BMPR1B: variants seen among roughly 807,000 people sequenced by gnomAD.
BMPR1B encodes the protein bone morphogenetic protein receptor type 1B.
Under a neutral mutation model 59.1 loss-of-function variants are expected in BMPR1B, and 12 were observed. The observed-to-expected ratio is 0.20, with a 90% CI of 0.13 to 0.33. BMPR1B has a LOEUF of 0.33. Ranked by LOEUF, BMPR1B falls within the 10% of genes least tolerant of loss-of-function variation. The pLI is 1.00. For synonymous variants in BMPR1B, 237 were observed against 207.3 expected, an observed-to-expected ratio of 1.14 and a Z score of -1.23; for missense variants, 550 against 610.9, an observed-to-expected ratio of 0.90 and a Z score of 1.05.
intron 3 of BMPR1B, among the ~76,000 whole-genome samples, chr4:95,025,672 G>C (rs996663639): frequency 6.6e-6 from 1 of 152,136 alleles, no homozygotes; most frequent in Non-Finnish European, 1.5e-5. Flanking sequence ...AGAAGGAGGT[G>C]AGTGGGACAA....
chr4:94,843,710 A>G (rs1725193891), intron 1 of BMPR1B, among the ~76,000 whole-genome samples: 1 of 151,746 alleles, frequency 6.6e-6, no homozygotes, highest in African/African-American at 2.4e-5. Flanking sequence ...TGCTCTATTC[A>G]AAAGAGGTGT....
chr4:94,891,007 T>C (rs138764772), intron 2 of BMPR1B, among the ~76,000 whole-genome samples: 2,420 of 152,224 alleles, frequency 0.016, 64 homozygotes, highest in African/African-American at 0.054. Context: ...TAAAATGTAG[T>C]TGGAAAATAG....
At chr4:94,890,534 T>C (rs1358942542) in intron 2 of BMPR1B, among the ~76,000 whole-genome samples, 1 of 152,096 alleles carries the variant, frequency 6.6e-6, no homozygotes, top group African/African-American at 2.4e-5. Flanking sequence ...AGTATAAAAG[T>C]CAATCAGAGA....
At chr4:95,054,182 A>G (rs987837674) in intron 3 of BMPR1B, among the ~76,000 whole-genome samples, 2 of 152,182 alleles carry the variant, frequency 1.3e-5, no homozygotes, top group Non-Finnish European at 2.9e-5. Flanking sequence ...AAAGATTTAT[A>G]TGAAGGAATA....
At chr4:94,770,180 G>GTTTTTTTTTTTTTTTTTTTTT (rs1553903537) in intron 1 of BMPR1B, among the ~76,000 whole-genome samples, 19 of 106,276 alleles carry the variant, frequency 1.8e-4, no homozygotes, top group African/African-American at 7.4e-4. Flanking sequence ...CTTCGTTTCT[G>GTTTTTTTTTTTTTTTTTTTTT]TGTTTGTTTT....
intron 10 of BMPR1B, among the ~76,000 whole-genome samples, chr4:95,136,430 G>A (rs1733792113): frequency 6.6e-6 from 1 of 152,296 alleles, no homozygotes; most frequent in Non-Finnish European, 1.5e-5. Flanking sequence ...CTCATAAAAT[G>A]GGTTAGGGAG....
Position 94,792,105 on chromosome 4 carries a change from A to G in BMPR1B, c.-183+34037A>G, listed in dbSNP as rs577246252. 5.9e-4 allele frequency among the ~76,000 whole-genome samples: 90 copies of G among 152,326 alleles called. 2 individuals are homozygous for G. Among genetic ancestry groups the G allele is most frequent in the African/African-American group, 2.2e-3 (90 of 41,576 alleles). ...TTATTCAAATTAAGAGAAATTTTTC[A>G]GATAACTAAGTTTTACCTTTCTGAC... is the stretch of plus-strand genomic sequence containing the variant. On this transcript the variant is annotated intron_variant, in intron 1 of 12. Coordinates refer to ENST00000515059, the MANE Select transcript of BMPR1B (RefSeq NM_001203.3).
At chr4:95,008,312 C>G (rs1465948553) in intron 3 of BMPR1B, among the ~76,000 whole-genome samples, 1 of 152,132 alleles carries the variant, frequency 6.6e-6, no homozygotes, top group Non-Finnish European at 1.5e-5. Context: ...TTTCCCTTAA[C>G]CACTCTACTT....
chr4:94,862,561 T>G (rs1347306781), intron 1 of BMPR1B, among the ~76,000 whole-genome samples: 6 of 150,492 alleles, frequency 4.0e-5, no homozygotes, highest in African/African-American at 1.5e-4. Flanking sequence ...CCTAGCACTT[T>G]GGGAGGCCAG....
rs753533981 is a variant in BMPR1B at position 95,131,270 on chromosome 4, C to T, written c.834C>T (p.Ile278=). ...GTGSWTQLYL[I]TDYHENGSLY... Reference sequence around the variant, plus strand: ...GGTCCTGGACCCAGTTGTACCTAATCACAGACTATCATGAAAATGGTTCCC... The same window carrying T: ...GGTCCTGGACCCAGTTGTACCTAATTACAGACTATCATGAAAATGGTTCCC... Residue 278 remains isoleucine (I), a synonymous_variant, in exon 10 of 13, where the codon ATC becomes ATT. Coordinates refer to ENST00000515059, the MANE Select transcript of BMPR1B (RefSeq NM_001203.3). The T allele has an allele frequency of 6.2e-7, 1 of 1,613,870 alleles. No homozygotes were observed. The highest frequency in any genetic ancestry group is 1.1e-5 in the South Asian group (1 of 91,062).
chr4:94,820,928 A>G (rs1252099420), intron 1 of BMPR1B, among the ~76,000 whole-genome samples: 1 of 152,218 alleles, frequency 6.6e-6, no homozygotes, highest in African/African-American at 2.4e-5. Flanking sequence ...GGATTCTAAG[A>G]GAGATCATTA....
At chr4:94,988,972 T>G (rs1721574061) in intron 2 of BMPR1B, among the ~76,000 whole-genome samples, 2 of 152,144 alleles carry the variant, frequency 1.3e-5, no homozygotes, top group Admixed American at 1.3e-4. Context: ...ACCTGTTCCC[T>G]CAGGTGAAAA....
chr4:94,867,026 C>G (rs1259185371), intron 1 of BMPR1B, among the ~76,000 whole-genome samples: 1 of 152,160 alleles, frequency 6.6e-6, no homozygotes, highest in Non-Finnish European at 1.5e-5. Flanking sequence ...ATTGAGCACA[C>G]AATAATATTA....
chr4:94,793,605 A>G (rs1723066360), intron 1 of BMPR1B, among the ~76,000 whole-genome samples: 1 of 148,056 alleles, frequency 6.8e-6, no homozygotes, highest in Non-Finnish European at 1.5e-5. Context: ...TGACTTCCAC[A>G]ATGGTTGAAC....
chr4:94,884,126 T>G (rs1168081069), intron 2 of BMPR1B, among the ~76,000 whole-genome samples: 1 of 152,190 alleles, frequency 6.6e-6, no homozygotes, highest in Admixed American at 6.5e-5. Flanking sequence ...TTCCAAGGTT[T>G]CAAAAGTAAT....
chr4:94,860,770 T>C (rs1725946649), intron 1 of BMPR1B, among the ~76,000 whole-genome samples: 1 of 152,244 alleles, frequency 6.6e-6, no homozygotes, highest in Non-Finnish European at 1.5e-5. Context: ...TAGACATTTC[T>C]GGTGCCAGTG....
chr4:94,945,877 A>T (rs962350937), intron 2 of BMPR1B, among the ~76,000 whole-genome samples: 1 of 152,134 alleles, frequency 6.6e-6, no homozygotes, highest in South Asian at 2.1e-4. Flanking sequence ...ATACTTTTTT[A>T]AAAAATTAAT....
intron 3 of BMPR1B, among the ~76,000 whole-genome samples, chr4:95,096,349 C>A (rs1317791183): frequency 1.3e-5 from 2 of 151,528 alleles, no homozygotes; most frequent in Non-Finnish European, 3.0e-5. Flanking sequence ...AGAAAAATAA[C>A]TTCCTTTTTA....
intron 3 of BMPR1B, among the ~76,000 whole-genome samples, chr4:95,041,836 T>C (rs1725675342): frequency 6.6e-6 from 1 of 151,936 alleles, no homozygotes; most frequent in South Asian, 2.1e-4. Flanking sequence ...TAATCCAAAA[T>C]CTGAAATACT....
Sources: allele counts gnomAD v4.1 joint callset (sites outside exome capture counted in the v4.1 genomes callset), GRCh38; gene constraint gnomAD v4.1.1; transcripts MANE v1.5; gene names NCBI Gene and HGNC (gene_info 2026-07-23, HGNC 2026-07-21).